The following RHCG variants were observed in gnomAD, a reference collection of about 807,000 sequenced individuals.
The protein encoded by RHCG is Rh family C glycoprotein, also known as ammonium transporter Rh type C.
In RHCG, 39 loss-of-function variants were observed where a neutral mutation model predicts 55.3. That is an observed-to-expected ratio of 0.70 (90% CI 0.55 to 0.92). The LOEUF is 0.92. Ranked by LOEUF, RHCG falls within the 40% of genes least tolerant of loss-of-function variation. RHCG has a pLI of 0.00. For missense variants in RHCG, 635 were observed against 627.9 expected (o/e 1.01, Z -0.12); for synonymous variants, 250 against 246.8 (o/e 1.01, Z -0.12).
At position 89,477,668 on chromosome 15, in the gene RHCG, T is replaced by C; in HGVS notation, c.976-15A>G. On this transcript the variant is annotated splice_polypyrimidine_tract_variant and intron_variant, in intron 6 of 10. Coordinates refer to ENST00000268122, the MANE Select transcript of RHCG (RefSeq NM_016321.3). This position sits in a 1 kb window ranked among gnomAD's most constrained non-coding sequence, Gnocchi z 4.5. ...TCCAGGAATGGCTGGAGACGGGAGG[T>C]GGGTGCTGCTCAGGCCGGGGGCTGC... is the stretch of plus-strand genomic sequence containing the variant. 1 of 1,612,714 alleles carries C rather than the reference T, an allele frequency of 6.2e-7. No individual in the cohort carries two copies. Among genetic ancestry groups the C allele is most frequent in the Non-Finnish European group, 8.5e-7 (1 of 1,179,738 alleles).
chr15:89,482,641 T>C (rs562737907), intron 3 of RHCG, among the ~76,000 whole-genome samples: 1 of 152,330 alleles, frequency 6.6e-6, no homozygotes, highest in African/African-American at 2.4e-5. Context: ...GCAGCTCTGG[T>C]GCTGTGTCGT....
chr15:89,490,782 A>AG (rs1360367306), intron 1 of RHCG, among the ~76,000 whole-genome samples: 1 of 81,228 alleles, frequency 1.2e-5, no homozygotes, highest in Non-Finnish European at 2.4e-5. Flanking sequence ...TCAGATGACC[A>AG]GGGGGGTGAG....
At position 89,477,775 on chromosome 15, in the gene RHCG, C is replaced by T. The variant is rs552604765; in HGVS notation, c.975+62G>A. On this transcript the variant is annotated intron_variant, in intron 6 of 10. Transcript: ENST00000268122. This position sits in a 1 kb window ranked among gnomAD's most constrained non-coding sequence, Gnocchi z 4.5. Reference sequence around the variant, plus strand: ...CCCCTCCCTAGGAACCCTCAGCTCACTGTCAGGAACACAAAGACCTCAGCA... The same window carrying T: ...CCCCTCCCTAGGAACCCTCAGCTCATTGTCAGGAACACAAAGACCTCAGCA... 3.1e-6 allele frequency: 5 copies of T among 1,607,476 alleles called. No individual in the cohort carries two copies. The highest frequency in any genetic ancestry group is 3.3e-5 in the Admixed American group (2 of 59,736).
chr15:89,476,473 A>G (rs1961151562), intron 9 of RHCG, among the ~76,000 whole-genome samples: 1 of 152,222 alleles, frequency 6.6e-6, no homozygotes, highest in Admixed American at 6.5e-5. Flanking sequence ...TAGGGACAAG[A>G]GTAAACTCCA....
At position 89,480,358 on chromosome 15, in the gene RHCG, A is replaced by G; in HGVS notation, c.573T>C (p.Phe191=). ...AGAGGATCCGGGTCACTGTGAGCCC[A>G]AAGTAGGCGCCAAATGTGTGGATGG... ...SMTIHTFGAY[F]GLTVTRILYR... The change falls in exon 4 of 11, where the codon TTT becomes TTC. Residue 191 remains phenylalanine, a synonymous_variant. Transcript: ENST00000268122. The G allele has an allele frequency of 6.2e-7, 1 of 1,614,180 alleles. No homozygotes were observed. Among genetic ancestry groups the G allele is most frequent in the Non-Finnish European group, 8.5e-7 (1 of 1,180,020 alleles).
chr15:89,476,517 C>A (rs1961152119), intron 9 of RHCG, among the ~76,000 whole-genome samples: 1 of 152,134 alleles, frequency 6.6e-6, no homozygotes, highest in Non-Finnish European at 1.5e-5. Flanking sequence ...CTTCTGTCAC[C>A]CCCTCTAGGG....
chr15:89,483,529 C>T (rs1160509380), intron 2 of RHCG, among the ~76,000 whole-genome samples: 1 of 152,060 alleles, frequency 6.6e-6, no homozygotes, highest in African/African-American at 2.4e-5. Flanking sequence ...TGAACATGCC[C>T]CATATTTGGG....
At chr15:89,484,984 T>C (rs757307672) in intron 2 of RHCG, among the ~76,000 whole-genome samples, 2 of 151,522 alleles carry the variant, frequency 1.3e-5, no homozygotes, top group Non-Finnish European at 2.9e-5. Flanking sequence ...AGGGGGAGGG[T>C]CCACATCTCT....
intron 9 of RHCG, among the ~76,000 whole-genome samples, chr15:89,475,102 A>C (rs796477794): frequency 1.0e-2 from 288 of 28,864 alleles, no homozygotes; most frequent in African/African-American, 0.013. Flanking sequence ...GCCTTCATTC[A>C]TTCCTGCCTG....
At position 89,471,763 on chromosome 15, in the gene RHCG, C is replaced by A. The variant is rs1395546996; in HGVS notation, c.*117G>T. On this transcript the variant is annotated 3_prime_UTR_variant, in exon 11 of 11. Coordinates refer to ENST00000268122, the MANE Select transcript of RHCG (RefSeq NM_016321.3). ...GGGCAGGGGTGGAGGCACCTTGAGG[C>A]CAAGCCAGCAGGTGGGGGTGCTGCT... 6.5e-6 allele frequency: 1 copy of A among 152,878 alleles called. No homozygotes were observed. The highest frequency in any genetic ancestry group is 2.4e-5 in the African/African-American group (1 of 41,456). 9.5% of individuals were successfully genotyped at this position (152,878 alleles called of 1,614,324 possible).
intron 1 of RHCG, among the ~76,000 whole-genome samples, chr15:89,487,208 G>A (rs533771205): frequency 5.3e-5 from 8 of 152,292 alleles, no homozygotes; most frequent in African/African-American, 1.9e-4. Flanking sequence ...CTTCATAAGG[G>A]CCTCTCTAGA....
Position 89,477,872 on chromosome 15 carries a change from C to T in RHCG, c.940G>A (p.Gly314Ser), listed in dbSNP as rs139070731. The stretch of plus-strand genomic sequence containing the variant: ...ACAAAACCCAGGGTGGAGATGATGC[C>T]GCAGACGAAGCCGATGATGAGGGCA... ...YGALIIGFVC[G>S]IISTLGFVYL... The change falls in exon 6 of 11, where the codon GGC (glycine) becomes AGC (serine). Residue 314 changes from glycine to serine, a missense_variant. Physicochemically the swap from Gly to Ser is moderately conservative, Grantham distance 56. Transcript: ENST00000268122. This position sits in a 1 kb window ranked among gnomAD's most constrained non-coding sequence, Gnocchi z 4.5. 3.4e-4 allele frequency: 547 copies of T among 1,614,046 alleles called. No homozygotes were observed. The highest frequency in any genetic ancestry group is 6.8e-4 in the African/African-American group (51 of 75,020).
intron 2 of RHCG, chr15:89,486,595 A>AGTGTGTGTGTGTGTGTGTGTGT (rs750785557): frequency 3.3e-6 from 1 of 305,308 alleles, no homozygotes; most frequent in African/African-American, 3.7e-5. Flanking sequence ...AGAGAGAGAG[A>AGTGTGTGTGTGTGTGTGTGTGT]GAGAGTGTGT....
chr15:89,483,180 C>A lies in RHCG; in HGVS notation c.409G>T (p.Val137Leu). ...TTACCCAGAACTGCCCCAAAGGCCACGCAGACAGAGGCCACGCAGAAGTCA... is the reference window on the plus strand; with the variant it reads ...TTACCCAGAACTGCCCCAAAGGCCAAGCAGACAGAGGCCACGCAGAAGTCA... ...NADFCVASVC[V>L]AFGAVLGKVS... is the part of the protein sequence containing the mutation. The change falls in exon 3 of 11, where the codon GTG (valine) becomes TTG (leucine). Residue 137 changes from valine to leucine, a missense_variant. Transcript: ENST00000268122. The A allele has an allele frequency of 6.3e-7, 1 of 1,590,324 alleles. No homozygotes were observed. The highest frequency in any genetic ancestry group is 8.6e-7 in the Non-Finnish European group (1 of 1,160,864).
At chr15:89,476,733 G>T in intron 9 of RHCG, 22 bp downstream of exon 9, 1 of 1,609,916 alleles carries the variant, frequency 6.2e-7, no homozygotes, top group Non-Finnish European at 8.5e-7. Flanking sequence ...CTCCTTCAGG[G>T]GGCCAAGTCC....
At chr15:89,494,524 A>C (rs570931587) in intron 1 of RHCG, among the ~76,000 whole-genome samples, 22 of 152,144 alleles carry the variant, frequency 1.4e-4, no homozygotes, top group African/African-American at 5.1e-4. Flanking sequence ...GTGGGTGGGC[A>C]AGTGTGGTGC....
At position 89,476,745 on chromosome 15, in the gene RHCG, T is replaced by C; in HGVS notation, c.1311+10A>G. On this transcript the variant is annotated intron_variant, in intron 9 of 10. Transcript: ENST00000268122. ...GCCCTCCTTCAGGGGGCCAAGTCCC[T>C]GGAACTCACCTCCCAGTAGACCGCA... The C allele has an allele frequency of 6.2e-7, 1 of 1,613,188 alleles. No homozygotes were observed.
rs764988070 is a variant in RHCG, at chr15:89,496,425, C to T, written c.120G>A (p.Trp40Ter). The change falls in exon 1 of 11, where the codon TGG (tryptophan) becomes TGA (stop). Residue 40 changes from tryptophan to a stop codon, truncating the protein, a stop_gained. Transcript: ENST00000268122. LOFTEE classifies it high-confidence loss of function. Reference sequence around the variant, plus strand: ...AGTTCTTGTGCGTCCTCTCTGACCACCAGTGGGCGTCGGCCTCGAAGTCGT... The same window carrying T: ...AGTTCTTGTGCGTCCTCTCTGACCATCAGTGGGCGTCGGCCTCGAAGTCGT... ...VRYDFEADAHWWSERTHKNLS... is the reference protein window; with the variant it reads ...VRYDFEADAH The T allele has an allele frequency of 1.9e-6, 3 of 1,614,082 alleles. No individual in the cohort carries two copies. Among genetic ancestry groups the T allele is most frequent in the Non-Finnish European group, 2.5e-6 (3 of 1,179,988 alleles).
intron 1 of RHCG, among the ~76,000 whole-genome samples, chr15:89,492,008 A>G (rs537250241): frequency 2.0e-5 from 3 of 152,260 alleles, no homozygotes; most frequent in African/African-American, 7.2e-5. Flanking sequence ...GCCCCATCAT[A>G]TAAGTTATTA....
Sources: allele counts gnomAD v4.1 joint callset (sites outside exome capture counted in the v4.1 genomes callset), GRCh38; gene constraint gnomAD v4.1.1; non-coding constraint Gnocchi (gnomAD v3.1); transcripts MANE v1.5; gene names NCBI Gene and HGNC (gene_info 2026-07-23, HGNC 2026-07-21).